The following CARMIL1 variants were observed in gnomAD, a reference collection of about 807,000 sequenced individuals.
CARMIL1 encodes the protein F-actin-uncapping protein LRRC16A.
In CARMIL1, 90 loss-of-function variants were observed where a neutral mutation model predicts 177.1. The observed-to-expected ratio is 0.51, with a 90% CI of 0.43 to 0.61. CARMIL1 has a LOEUF of 0.61. Among genes scored for constraint, CARMIL1 ranks in the 20% least tolerant of loss-of-function variants. The probability of loss-of-function intolerance (pLI) is 0.00; values close to 1 mark genes in which losing one functional copy is unlikely to be tolerated. For missense variants in CARMIL1, 1,380 were observed against 1,667.0 expected, an observed-to-expected ratio of 0.83 and a Z score of 3.00; for synonymous variants, 577 against 606.2, an observed-to-expected ratio of 0.95 and a Z score of 0.71.
chr6:25,495,294 G>A, intron 16 of CARMIL1, 79 bp downstream of exon 16: 1 of 948,794 alleles, frequency 1.1e-6, no homozygotes, highest in Non-Finnish European at 1.6e-6. Context: ...AAGGGAGAAA[G>A]ATATATAATC....
intron 2 of CARMIL1, among the ~76,000 whole-genome samples, chr6:25,359,151 G>A (rs1396518310): frequency 6.6e-6 from 1 of 152,140 alleles, no homozygotes; most frequent in African/African-American, 2.4e-5. Flanking sequence ...GGCTTTCTCT[G>A]TTGGGCAGAA....
intron 31 of CARMIL1, among the ~76,000 whole-genome samples, chr6:25,593,821 A>G (rs890667036): frequency 1.3e-5 from 2 of 152,090 alleles, no homozygotes; most frequent in African/African-American, 4.8e-5. Context: ...GTCCCCTTAT[A>G]TCTCACACAC....
intron 2 of CARMIL1, among the ~76,000 whole-genome samples, chr6:25,381,464 C>T (rs115342027): frequency 0.02 from 3,015 of 152,304 alleles, 96 homozygotes; most frequent in African/African-American, 0.065. Flanking sequence ...CAAGACTCTT[C>T]TCCACTTTAG....
At chr6:25,581,789 G>A (rs1466307518) in intron 31 of CARMIL1, among the ~76,000 whole-genome samples, 2 of 151,758 alleles carry the variant, frequency 1.3e-5, no homozygotes, top group Non-Finnish European at 2.9e-5. Context: ...ACAGTGTCTG[G>A]GCAAAAAAGA....
At chr6:25,435,321 C>A (rs1225142954) in intron 4 of CARMIL1, among the ~76,000 whole-genome samples, 162 bp from the exon 5 acceptor site, 2 of 151,922 alleles carry the variant, frequency 1.3e-5, no homozygotes, top group Middle Eastern at 3.4e-3. Context: ...GGTGTTCACG[C>A]ACGTATGTGA....
intron 16 of CARMIL1, among the ~76,000 whole-genome samples, chr6:25,497,138 T>C (rs1006230554): frequency 6.6e-6 from 1 of 152,190 alleles, no homozygotes; most frequent in African/African-American, 2.4e-5. Flanking sequence ...TAAAATTCCA[T>C]GTATACATTT....
At chr6:25,340,119 C>T (rs1786749001) in intron 2 of CARMIL1, among the ~76,000 whole-genome samples, 1 of 152,182 alleles carries the variant, frequency 6.6e-6, no homozygotes, top group South Asian at 2.1e-4. Context: ...AAGCCTTACC[C>T]TAGTCAGAGA....
In CARMIL1 at chr6:25,413,614, C is replaced by A. The variant is rs1795110879; in HGVS notation, c.139-6500C>A. Among the ~76,000 whole-genome samples the A allele has an allele frequency of 2.0e-5, 3 of 152,244 alleles. No homozygotes were observed. In the South Asian group the frequency reaches 6.2e-4, roughly 32 times the overall value. On this transcript the variant is annotated intron_variant, in intron 2 of 36. Coordinates refer to ENST00000329474, the MANE Select transcript of CARMIL1 (RefSeq NM_017640.6). Reference sequence around the variant, plus strand: ...TGAAGTTAAAAGTTGAACCAAGAAGCCTCAGAGGGAACTGGCTGCTACTTG... The same window carrying A: ...TGAAGTTAAAAGTTGAACCAAGAAGACTCAGAGGGAACTGGCTGCTACTTG...
At chr6:25,293,264 T>C (rs1782121342) in intron 2 of CARMIL1, among the ~76,000 whole-genome samples, 1 of 55,286 alleles carries the variant, frequency 1.8e-5, no homozygotes, top group African/African-American at 5.1e-5. Flanking sequence ...GAAGGATGCT[T>C]GGTGTGTGTG....
At chr6:25,325,555 G>C (rs964001083) in intron 2 of CARMIL1, among the ~76,000 whole-genome samples, 1 of 152,152 alleles carries the variant, frequency 6.6e-6, no homozygotes, top group Non-Finnish European at 1.5e-5. Flanking sequence ...GGAATTATTC[G>C]AACAATCTTA....
rs964123101 is a variant in CARMIL1 at position 25,521,165 on chromosome 6, G to T, written c.1968+828G>T. On this transcript the variant is annotated intron_variant, in intron 23 of 36. Transcript: ENST00000329474. ...GAAGAGACAGTCTCTGGTGTGTGCT[G>T]AATGTGCTCCTCTCTTCAAAGAAGG... 3.9e-5 allele frequency among the ~76,000 whole-genome samples: 6 copies of T among 152,172 alleles called. No homozygotes were observed. The South Asian group carries it at 1.3e-3, about 32-fold the overall frequency.
At chr6:25,284,090 A>G (rs1332817614) in intron 1 of CARMIL1, among the ~76,000 whole-genome samples, 1 of 152,134 alleles carries the variant, frequency 6.6e-6, no homozygotes. Context: ...GAATGCTAAT[A>G]TTTGTATGAC....
At chr6:25,599,131 A>G (rs1211059759) in intron 32 of CARMIL1, among the ~76,000 whole-genome samples, 3 of 152,166 alleles carry the variant, frequency 2.0e-5, no homozygotes, top group Non-Finnish European at 2.9e-5. Flanking sequence ...TCTGTGGTTT[A>G]GGGAGAGGAT....
At chr6:25,446,853 A>G (rs963208058) in intron 5 of CARMIL1, among the ~76,000 whole-genome samples, 6 of 152,160 alleles carry the variant, frequency 3.9e-5, no homozygotes, top group African/African-American at 7.2e-5. Flanking sequence ...CCTAATTTCA[A>G]TATTGTTGTG....
At chr6:25,308,038 T>G (rs554653041) in intron 2 of CARMIL1, among the ~76,000 whole-genome samples, 2 of 152,348 alleles carry the variant, frequency 1.3e-5, no homozygotes, top group South Asian at 4.1e-4. Flanking sequence ...CCAGTTATGC[T>G]TAGGCTAAAA....
intron 33 of CARMIL1, among the ~76,000 whole-genome samples, chr6:25,604,249 T>C (rs1815715281): frequency 6.6e-6 from 1 of 152,114 alleles, no homozygotes; most frequent in South Asian, 2.1e-4. Flanking sequence ...GACTAATTTT[T>C]CTATTTTTTG....
intron 2 of CARMIL1, among the ~76,000 whole-genome samples, chr6:25,363,943 C>T (rs375006951): frequency 1.1e-4 from 17 of 152,072 alleles, no homozygotes; most frequent in South Asian, 1.0e-3. Flanking sequence ...TCTTCTCTCT[C>T]GTTTCTTTCT....
At chr6:25,390,848 A>G (rs1204878632) in intron 2 of CARMIL1, among the ~76,000 whole-genome samples, 3 of 151,926 alleles carry the variant, frequency 2.0e-5, no homozygotes, top group African/African-American at 4.8e-5. Context: ...GAACACCACC[A>G]CCTGTAATCA....
At chr6:25,395,113 C>T (rs1477231538) in intron 2 of CARMIL1, among the ~76,000 whole-genome samples, 2 of 152,116 alleles carry the variant, frequency 1.3e-5, no homozygotes, top group Non-Finnish European at 2.9e-5. Context: ...AAATTAAAAC[C>T]CTACTGGGGA....
Sources: gnomAD v4.1 joint callset for allele counts (sites outside exome capture counted in the v4.1 genomes callset) on GRCh38, gnomAD v4.1.1 for gene constraint, MANE v1.5 for transcripts, NCBI Gene and HGNC (gene_info 2026-07-23, HGNC 2026-07-21) for gene names.